The following CLEC5A variants were observed in gnomAD, a reference collection of about 807,000 sequenced individuals.
The protein encoded by CLEC5A is C-type lectin domain family 5 member A.
CLEC5A carries 15 observed loss-of-function variants against 24.4 expected under a neutral mutation model. The ratio of observed to expected loss-of-function variants is 0.62; its 90% CI spans 0.41 to 0.95. CLEC5A has a LOEUF of 0.95. Ranked by LOEUF, CLEC5A falls within the 40% of genes least tolerant of loss-of-function variation. CLEC5A has a pLI of 0.00. For synonymous variants in CLEC5A, 71 were observed against 72.6 expected, an observed-to-expected ratio of 0.98 and a Z score of 0.11; for missense variants, 211 against 224.0, an observed-to-expected ratio of 0.94 and a Z score of 0.37.
At position 141,927,563 on chromosome 7, in the gene CLEC5A, G is replaced by A. The variant is rs966030687; in HGVS notation, c.*2541C>T. 1 of 152,216 alleles carries A rather than the reference G, an allele frequency of 6.6e-6. No individual in the cohort carries two copies. The highest frequency in any genetic ancestry group is 2.1e-4 in the South Asian group (1 of 4,824). The allele number at this position is 152,216 out of a possible 1,614,324, so 9.4% of individuals were successfully genotyped here. Reference sequence around the variant, plus strand: ...GTGCTTAGAGTTTCAGCTGATCTAGGGTGGCTCTGCTGATCTCAGGTGGAT... The same window carrying A: ...GTGCTTAGAGTTTCAGCTGATCTAGAGTGGCTCTGCTGATCTCAGGTGGAT... On this transcript the variant is annotated 3_prime_UTR_variant, in exon 7 of 7. Coordinates refer to ENST00000546910, the MANE Select transcript of CLEC5A (RefSeq NM_013252.3).
In CLEC5A at chr7:141,929,442, T is replaced by C. The variant is rs1802386198; in HGVS notation, c.*662A>G. ...TTAGCTTAAGTGTCTCTTCAGGGCT[T>C]TGCTGAAGAACAGAAATCTAGTGTG... On this transcript the variant is annotated 3_prime_UTR_variant, in exon 7 of 7. Transcript: ENST00000546910. 1.3e-5 allele frequency: 2 copies of C among 152,344 alleles called. No homozygotes were observed. The highest frequency in any genetic ancestry group is 4.1e-4 in the South Asian group (2 of 4,830). 9.4% of individuals were successfully genotyped at this position (152,344 alleles called of 1,614,324 possible).
In CLEC5A at chr7:141,931,722, G is replaced by C. The variant is rs1554440377; in HGVS notation, c.450C>G (p.Gly150=). 6.5e-7 allele frequency: 1 copy of C among 1,527,704 alleles called. No individual in the cohort carries two copies. Among genetic ancestry groups the C allele is most frequent in the East Asian group, 2.2e-5 (1 of 44,488 alleles). 94.6% of individuals were successfully genotyped at this position (1,527,704 alleles called of 1,614,324 possible). A position where few individuals can be genotyped will look rare whatever the true frequency, so the allele number is the denominator to read the frequency against. The change falls in exon 6 of 7, where the codon GGC becomes GGG. Residue 150 remains glycine, a splice_region_variant and synonymous_variant. Coordinates refer to ENST00000546910, the MANE Select transcript of CLEC5A (RefSeq NM_013252.3). ...WRWINNSVFN[G]NVTNQNQNFN... is the part of the protein sequence containing the mutation. ...GAAACTGTGGCATGTTCACGTACTT[G>C]CCATTGAACACAGAGTTGTTGATCC...
chr7:141,943,679 A>AT, intron 4 of CLEC5A, among the ~76,000 whole-genome samples: 1 of 152,286 alleles, frequency 6.6e-6, no homozygotes, highest in African/African-American at 2.4e-5. Flanking sequence ...TTATCAATAT[A>AT]TATCATGTAA....
At chr7:141,941,187 T>C (rs968866346) in intron 4 of CLEC5A, among the ~76,000 whole-genome samples, 11 of 152,134 alleles carry the variant, frequency 7.2e-5, no homozygotes, top group African/African-American at 2.6e-4. Flanking sequence ...AACAAAATAC[T>C]AGCAAGCTGA....
intron 3 of CLEC5A, 67 bp from the exon 4 acceptor site, chr7:141,944,031 G>A: frequency 2.2e-6 from 2 of 923,496 alleles, no homozygotes; most frequent in South Asian, 2.6e-5. Flanking sequence ...AAACATCAGA[G>A]TATGGGCTGT....
intron 4 of CLEC5A, among the ~76,000 whole-genome samples, chr7:141,942,351 GT>G (rs1322116694): frequency 6.6e-6 from 1 of 152,060 alleles, no homozygotes; most frequent in Non-Finnish European, 1.5e-5. Context: ...TCAATAAATG[GT>G]TCTGGGACAC....
At chr7:141,940,436 A>C (rs781801331) in intron 4 of CLEC5A, among the ~76,000 whole-genome samples, 6 of 151,828 alleles carry the variant, frequency 4.0e-5, no homozygotes, top group Non-Finnish European at 7.4e-5. Flanking sequence ...TTAAGACGGA[A>C]GTTTATACCT....
At chr7:141,944,110 C>A in intron 3 of CLEC5A, 146 bp from the exon 4 acceptor site, 1 of 543,806 alleles carries the variant, frequency 1.8e-6, no homozygotes, top group Non-Finnish European at 3.4e-6. Context: ...CAAATAATTT[C>A]TTTCTTTGAG....
chr7:141,935,732 A>T (rs915995088), intron 5 of CLEC5A, 82 bp downstream of exon 5: 6 of 1,131,710 alleles, frequency 5.3e-6, no homozygotes, highest in Middle Eastern at 2.0e-4. Context: ...TCCCATCCCC[A>T]CTCCCCCAAG....
At position 141,929,272 on chromosome 7, in the gene CLEC5A, G is replaced by A. The variant is rs1802382869; in HGVS notation, c.*832C>T. On this transcript the variant is annotated 3_prime_UTR_variant, in exon 7 of 7. Transcript: ENST00000546910. Reference sequence around the variant, plus strand: ...ATATTGTGATTATTGTTGCCTAAGAGACTATCCAAAATTTTAAAAATACTC... The same window carrying A: ...ATATTGTGATTATTGTTGCCTAAGAAACTATCCAAAATTTTAAAAATACTC... The A allele has an allele frequency of 6.6e-6, 1 of 152,154 alleles. No individual in the cohort carries two copies. The highest frequency in any genetic ancestry group is 2.4e-5 in the African/African-American group (1 of 41,430). 9.4% of individuals were successfully genotyped at this position (152,154 alleles called of 1,614,324 possible). A position where few individuals can be genotyped will look rare whatever the true frequency, so the allele number is the denominator to read the frequency against.
chr7:141,935,908 A>G lies in CLEC5A; in HGVS notation c.251T>C (p.Phe84Ser). Residue 84 changes from phenylalanine (F) to serine (S), a missense_variant, in exon 5 of 7, where the codon TTC becomes TCC. Transcript: ENST00000546910. ...CCAAGATGATTCAGAAGTGGATAAG[A>G]AAAAACATCTTGCTTGATAAAATTC... ...DWEFYQARCFFLSTSESSWNE... is the reference protein window; with the variant it reads ...DWEFYQARCFSLSTSESSWNE... 1 of 1,613,200 alleles carries G rather than the reference A, an allele frequency of 6.2e-7. No homozygotes were observed. Among genetic ancestry groups the G allele is most frequent in the Non-Finnish European group, 8.5e-7 (1 of 1,179,088 alleles).
At chr7:141,945,254 G>A in intron 3 of CLEC5A, 87 bp downstream of exon 3, 1 of 927,706 alleles carries the variant, frequency 1.1e-6, no homozygotes, top group South Asian at 1.3e-5. Context: ...GAATTTCTTG[G>A]GAAAGGAGGC....
At chr7:141,931,616 T>C in intron 6 of CLEC5A, 104 bp downstream of exon 6, 1 of 728,882 alleles carries the variant, frequency 1.4e-6, no homozygotes, top group African/African-American at 1.8e-5. Context: ...CAGAACAGAG[T>C]CAAGTGTCAG....
intron 4 of CLEC5A, among the ~76,000 whole-genome samples, chr7:141,941,796 GA>G (rs1802802333): frequency 6.6e-6 from 1 of 151,982 alleles, no homozygotes; most frequent in Non-Finnish European, 1.5e-5. Flanking sequence ...TGAACACTCT[GA>G]AAAGAAATTA....
chr7:141,938,518 G>T (rs115269556), intron 4 of CLEC5A, among the ~76,000 whole-genome samples: 1 of 152,276 alleles, frequency 6.6e-6, no homozygotes, highest in African/African-American at 2.4e-5. Flanking sequence ...AAATGTAAGA[G>T]TTACTGGCCT....
rs562531022 is a variant in CLEC5A, at chr7:141,944,658, C to G, written c.139+683G>C. Among the ~76,000 whole-genome samples the G allele has an allele frequency of 2.0e-4, 30 of 152,302 alleles. No individual in the cohort carries two copies. In the South Asian group the frequency reaches 3.5e-3, roughly 18 times the overall value. The stretch of plus-strand genomic sequence containing the variant: ...GCAGTGGCTTCAGAGGCTGGTCAAA[C>G]ATCTAATTGGGCTGCCAGTTATTTG... On this transcript the variant is annotated intron_variant, in intron 3 of 6. Transcript: ENST00000546910.
chr7:141,936,197 C>A (rs1340021049), intron 4 of CLEC5A: 6 of 493,428 alleles, frequency 1.2e-5, no homozygotes, highest in Admixed American at 1.1e-4. Context: ...ACAGGAACAC[C>A]AAATTTGACA....
Position 141,929,797 on chromosome 7 carries a change from A to G in CLEC5A, c.*307T>C, listed in dbSNP as rs909903670. 4.2e-5 allele frequency: 11 copies of G among 262,402 alleles called. No homozygotes were observed. In the Admixed American group the frequency reaches 4.8e-4, roughly 11 times the overall value. 16.3% of individuals were successfully genotyped at this position (262,402 alleles called of 1,614,324 possible). ...TACAGTTACTCCCTAGTAGTATGGT[A>G]TACTCTGAGGCTAAAATAAAACAAA... On this transcript the variant is annotated 3_prime_UTR_variant, in exon 7 of 7. Transcript: ENST00000546910.
At chr7:141,935,044 G>A (rs1365870412) in intron 5 of CLEC5A, among the ~76,000 whole-genome samples, 1 of 152,098 alleles carries the variant, frequency 6.6e-6, no homozygotes, top group Non-Finnish European at 1.5e-5. Flanking sequence ...CTTAGCCCTA[G>A]AGGGTTTGTA....
Sources: gnomAD v4.1 joint callset for allele counts (sites outside exome capture counted in the v4.1 genomes callset) on GRCh38, gnomAD v4.1.1 for gene constraint, MANE v1.5 for transcripts, NCBI Gene and HGNC (gene_info 2026-07-23, HGNC 2026-07-21) for gene names.